MUC5AC: variants seen among roughly 807,000 people sequenced by gnomAD.
MUC5AC encodes the protein mucin-5AC.
A neutral mutation model predicts 169.7 loss-of-function variants in MUC5AC; 158 were observed. The ratio of observed to expected loss-of-function variants is 0.93; its 90% CI spans 0.82 to 1.06. The LOEUF (loss-of-function observed/expected upper bound fraction) is 1.06, where lower values mean the gene tolerates loss of function less well. Among genes scored for constraint, MUC5AC ranks in the 50% least tolerant of loss-of-function variants. The probability of loss-of-function intolerance (pLI) is 0.00; values close to 1 mark genes in which losing one functional copy is unlikely to be tolerated. For synonymous variants in MUC5AC, 1,975 were observed against 1,237.0 expected, an observed-to-expected ratio of 1.60 and a Z score of -12.52; for missense variants, 4,359 against 3,089.9, an observed-to-expected ratio of 1.41 and a Z score of -9.74.
chr11:1,160,818 G>T (rs1380651733), intron 2 of MUC5AC, 129 bp downstream of exon 2: 5 of 890,756 alleles, frequency 5.6e-6, no homozygotes, highest in Middle Eastern at 2.3e-4. Context: ...CAAACCTGGG[G>T]GGACAGGAGG....
In MUC5AC at chr11:1,186,714, A is replaced by G. The variant is rs1327244033; in HGVS notation, c.8569A>G (p.Thr2857Ala). The G allele has an allele frequency of 4.5e-5, 33 of 729,398 alleles. No individual in the cohort carries two copies. The highest frequency in any genetic ancestry group is 1.0e-4 in the African/African-American group (6 of 57,612). The allele number at this position is 729,398 out of a possible 1,614,324, so 45.2% of individuals were successfully genotyped here. ...TACAACCAGCACAACCTCTGCCCCT[A>G]CAACCAGAACAACCTCTGTCCCTAC... Reference protein sequence around the residue: ...APTTSTTSAPTTRTTSVPTSS... With the variant: ...APTTSTTSAPATRTTSVPTSS... Residue 2857 changes from threonine (T) to alanine (A), a missense_variant, in exon 31 of 49, where the codon ACA (threonine) becomes GCA (alanine). Physicochemically the swap from Thr to Ala is moderately conservative, Grantham distance 58. Coordinates refer to ENST00000621226, the MANE Select transcript of MUC5AC (RefSeq NM_001304359.2).
intron 16 of MUC5AC, among the ~76,000 whole-genome samples, chr11:1,173,717 C>T (rs1407470417): frequency 6.6e-6 from 1 of 151,264 alleles, no homozygotes; most frequent in African/African-American, 2.4e-5. Flanking sequence ...CCTACTCATT[C>T]ATTCACGCAC....
intron 24 of MUC5AC, 114 bp from the exon 25 acceptor site, chr11:1,178,330 G>A: frequency 5.6e-6 from 2 of 355,122 alleles, no homozygotes; most frequent in East Asian, 7.1e-5. Context: ...TGGGTGGGAG[G>A]AGGCGGCCGC....
rs1554928422 is a variant in MUC5AC at position 1,187,965 on chromosome 11, G to A, written c.9820G>A (p.Glu3274Lys). 0.13 allele frequency: 99,369 copies of A among 741,438 alleles called. 9,322 individuals are homozygous for A. The highest frequency in any genetic ancestry group is 0.17 in the Non-Finnish European group (67,110 of 402,856). 45.9% of individuals were successfully genotyped at this position (741,438 alleles called of 1,614,324 possible). A position where few individuals can be genotyped will look rare whatever the true frequency, so the allele number is the denominator to read the frequency against. The change falls in exon 31 of 49, where the codon GAG becomes AAG. Residue 3274 changes from glutamate (E) to lysine (K), a missense_variant. Physicochemically the swap from Glu to Lys is moderately conservative, Grantham distance 56 (BLOSUM62 1). Transcript: ENST00000621226. ...GATCACCAGGCTCCAGTGCCGAGCC[G>A]AGAGCCACCCGGAGGTGAGCATTGA... ...EEITRLQCRAESHPEVSIEHL... is the reference protein window; with the variant it reads ...EEITRLQCRAKSHPEVSIEHL...
At chr11:1,173,359 ATTCC>A (rs1163235476) in intron 16 of MUC5AC, among the ~76,000 whole-genome samples, 4 of 149,512 alleles carry the variant, frequency 2.7e-5, no homozygotes, top group Non-Finnish European at 5.9e-5. Context: ...TCACTCACTC[ATTCC>A]TTCATTCATT....
At position 1,187,430 on chromosome 11, in the gene MUC5AC, C is replaced by G. The variant is rs1860980544; in HGVS notation, c.9285C>G (p.Ala3095=). The change falls in exon 31 of 49, where the codon GCC becomes GCG. Residue 3095 remains alanine, a synonymous_variant. Coordinates refer to ENST00000621226, the MANE Select transcript of MUC5AC (RefSeq NM_001304359.2). ...TSAATTSTIS[A]PTTSTTSAPT... is the part of the protein sequence containing the mutation. ...CCGCTACAACCAGCACAATCTCGGC[C>G]CCAACAACCAGCACAACGTCTGCTC... 1 of 728,162 alleles carries G rather than the reference C, an allele frequency of 1.4e-6. No homozygotes were observed. The highest frequency in any genetic ancestry group is 2.6e-5 in the East Asian group (1 of 39,214). The allele number at this position is 728,162 out of a possible 1,614,324, so 45.1% of individuals were successfully genotyped here. A position where few individuals can be genotyped will look rare whatever the true frequency, so the allele number is the denominator to read the frequency against.
In MUC5AC at chr11:1,162,088, C is replaced by T. The variant is rs1860160181; in HGVS notation, c.393C>T (p.Pro131=). The part of the protein sequence containing the change: ...QLRRSQESAA[P]TLSRVLMKVD... ...GCCGCAGCCAGGAGTCAGCGGCCCC[C>T]ACGCTGAGCAGGGTCCTCATGAAGG... The change falls in exon 4 of 49, where the codon CCC becomes CCT. Residue 131 remains proline (P), a synonymous_variant. Transcript: ENST00000621226. 1 of 1,612,630 alleles carries T rather than the reference C, an allele frequency of 6.2e-7. No homozygotes were observed. Among genetic ancestry groups the T allele is most frequent in the South Asian group, 1.1e-5 (1 of 91,068 alleles).
intron 17 of MUC5AC, 89 bp downstream of exon 17, chr11:1,174,711 C>T: frequency 6.9e-6 from 4 of 576,580 alleles, no homozygotes; most frequent in Non-Finnish European, 9.0e-6. Context: ...GCTCTAAGGG[C>T]CCCCGTCCTC....
At position 1,192,799 on chromosome 11, in the gene MUC5AC, CCA is replaced by C; in HGVS notation, c.14400_14401del (p.His4800GlnfsTer13). 1 of 761,548 alleles carries C rather than the reference CCA, an allele frequency of 1.3e-6. No homozygotes were observed. The highest frequency in any genetic ancestry group is 1.3e-5 in the South Asian group (1 of 74,542). The allele number at this position is 761,548 out of a possible 1,614,324, so 47.2% of individuals were successfully genotyped here. On this transcript the variant is annotated frameshift_variant, in exon 32 of 49. Transcript: ENST00000621226. LOFTEE classifies it high-confidence loss of function. ...CTCTTACAGGATCCACCATATACCG[CCA>C]CAGAGACCTCGCTGGCCATTGCTAT... ...LYPAGSTIYR[H>X]RDLAGHCYYA...
rs1011787162 is a variant in MUC5AC, at chr11:1,164,492, C to T, written c.1089C>T (p.Ala363=). Residue 363 remains alanine, a synonymous_variant, in exon 9 of 49, where the codon GCC becomes GCT. Coordinates refer to ENST00000621226, the MANE Select transcript of MUC5AC (RefSeq NM_001304359.2). ...GCTCCAACCAGGAGCACTCCCGGGCCTGTGAGGACCACTGTGTGGCCGGCT... is the reference window on the plus strand; with the variant it reads ...GCTCCAACCAGGAGCACTCCCGGGCTTGTGAGGACCACTGTGTGGCCGGCT... The part of the protein sequence containing the change: ...DTCSNQEHSR[A]CEDHCVAGCF... 5.6e-6 allele frequency: 9 copies of T among 1,611,658 alleles called. No homozygotes were observed. In the Admixed American group the frequency reaches 1.2e-4, roughly 21 times the overall value.
Position 1,194,468 on chromosome 11 carries a change from G to A in MUC5AC, c.15007-19G>A, listed in dbSNP as rs367956896. ...CCCGCCTGCCTTCTGACTTCCCGTC[G>A]ACCACGCCCTGCGTCCAGATCATCT... On this transcript the variant is annotated intron_variant, in intron 34 of 48. Transcript: ENST00000621226. The A allele has an allele frequency of 1.4e-4, 103 of 741,548 alleles. No individual in the cohort carries two copies. The African/African-American group carries it at 1.6e-3, about 11-fold the overall frequency. The allele number at this position is 741,548 out of a possible 1,614,324, so 45.9% of individuals were successfully genotyped here.
Position 1,185,209 on chromosome 11 carries a change from G to A in MUC5AC, c.7064G>A (p.Ser2355Asn), listed in dbSNP as rs1268865488. ...GTTPSPVPTTSITSAPTTSTT... is the reference protein window; with the variant it reads ...GTTPSPVPTTNITSAPTTSTT... ...ACTCCCAGCCCTGTTCCTACCACCA[G>A]CATAACCTCTGCCCCTACAACCAGC... The change falls in exon 31 of 49, where the codon AGC becomes AAC. Residue 2355 changes from serine to asparagine, a missense_variant. Coordinates refer to ENST00000621226, the MANE Select transcript of MUC5AC (RefSeq NM_001304359.2). 6 of 732,354 alleles carry A rather than the reference G, an allele frequency of 8.2e-6. No homozygotes were observed. The highest frequency in any genetic ancestry group is 1.5e-5 in the Non-Finnish European group (6 of 401,676). The allele number at this position is 732,354 out of a possible 1,614,324, so 45.4% of individuals were successfully genotyped here.
At position 1,189,796 on chromosome 11, in the gene MUC5AC, C is replaced by A. The variant is rs1449840521; in HGVS notation, c.11651C>A (p.Thr3884Lys). ...APTTSTTSFH[T>K]TSTTSPPTSS... is the part of the protein sequence containing the mutation. ...ACAACCAGCACAACCTCTTTCCATA[C>A]AACCAGCACAACCTCTCCCCCTACA... Residue 3884 changes from threonine (T) to lysine (K), a missense_variant, in exon 31 of 49, where the codon ACA becomes AAA. Coordinates refer to ENST00000621226, the MANE Select transcript of MUC5AC (RefSeq NM_001304359.2). The A allele has an allele frequency of 4.2e-6, 3 of 716,632 alleles. No individual in the cohort carries two copies. Among genetic ancestry groups the A allele is most frequent in the Non-Finnish European group, 2.5e-6 (1 of 392,936 alleles). The allele number at this position is 716,632 out of a possible 1,614,324, so 44.4% of individuals were successfully genotyped here. A position where few individuals can be genotyped will look rare whatever the true frequency, so the allele number is the denominator to read the frequency against.
At chr11:1,179,523 G>A (rs1268040588) in intron 26 of MUC5AC, among the ~76,000 whole-genome samples, 1 of 150,324 alleles carries the variant, frequency 6.7e-6, no homozygotes, top group Non-Finnish European at 1.5e-5. Flanking sequence ...CTGGGCAGAG[G>A]GGTCAGCAGA....
intron 15 of MUC5AC, among the ~76,000 whole-genome samples, chr11:1,171,131 CCTCA>C (rs1374043273): frequency 5.0e-5 from 7 of 141,356 alleles, no homozygotes; most frequent in East Asian, 2.4e-4. Flanking sequence ...CACTCATTCA[CCTCA>C]CTCACTCACC....
rs1861018974 is a variant in MUC5AC, at chr11:1,188,990, G to C, written c.10845G>C (p.Val3615=). Residue 3615 remains valine, a synonymous_variant, in exon 31 of 49, where the codon GTG becomes GTC. Transcript: ENST00000621226. Reference sequence around the variant, plus strand: ...TGTGCCTCAACTACGAGGTGCGTGTGCTTTGCTGCGAGACCCCCAAAGGCT... The same window carrying C: ...TGTGCCTCAACTACGAGGTGCGTGTCCTTTGCTGCGAGACCCCCAAAGGCT... The part of the protein sequence containing the change: ...FKMCLNYEVR[V]LCCETPKGCP... The C allele has an allele frequency of 1.5e-6, 1 of 683,958 alleles. No individual in the cohort carries two copies. The highest frequency in any genetic ancestry group is 1.8e-5 in the African/African-American group (1 of 56,486). 42.4% of individuals were successfully genotyped at this position (683,958 alleles called of 1,614,324 possible).
Position 1,165,321 on chromosome 11 carries a change from C to T in MUC5AC, c.1149C>T (p.Ile383=), listed in dbSNP as rs1442386869. 1.9e-6 allele frequency: 3 copies of T among 1,611,980 alleles called. No homozygotes were observed. The highest frequency in any genetic ancestry group is 1.1e-5 in the South Asian group (1 of 91,036). The change falls in exon 10 of 49, where the codon ATC becomes ATT. Residue 383 remains isoleucine (I), a synonymous_variant. Transcript: ENST00000621226. ...CTGCAGGGACGGTGCTTGACGACAT[C>T]GGCCAGACCGGCTGTGTCCCTGTGT... ...FCPEGTVLDD[I]GQTGCVPVSK... is the part of the protein sequence containing the mutation.
At chr11:1,173,207 TACTC>T (rs1860590659) in intron 16 of MUC5AC, among the ~76,000 whole-genome samples, 1 of 150,556 alleles carries the variant, frequency 6.6e-6, no homozygotes, top group Non-Finnish European at 1.5e-5. Context: ...CTCACTCATT[TACTC>T]ACTCATTCAC....
intron 16 of MUC5AC, among the ~76,000 whole-genome samples, chr11:1,172,933 T>A (rs1322504789): frequency 1.1e-5 from 1 of 93,766 alleles, no homozygotes; most frequent in East Asian, 3.6e-4. Context: ...CACTCACCCA[T>A]TCTCTCACTC....
Sources: gnomAD v4.1 joint callset for allele counts (sites outside exome capture counted in the v4.1 genomes callset) on GRCh38, gnomAD v4.1.1 for gene constraint, MANE v1.5 for transcripts, NCBI Gene and HGNC (gene_info 2026-07-23, HGNC 2026-07-21) for gene names.